Variants in RYR3 observed in about 807,000 individuals in gnomAD.
RYR3 encodes brain ryanodine receptor-calcium release channel.
Under a neutral mutation model 584.3 loss-of-function variants are expected in RYR3, and 207 were observed. That is an observed-to-expected ratio of 0.35 (90% CI 0.32 to 0.40). The LOEUF (loss-of-function observed/expected upper bound fraction) is 0.40, where lower values mean the gene tolerates loss of function less well. Ranked by LOEUF, RYR3 falls within the 10% of genes least tolerant of loss-of-function variation. RYR3 has a pLI of 1.00. For synonymous variants in RYR3, 2,416 were observed against 2,248.5 expected (o/e 1.07, Z -2.11); for missense variants, 5,616 against 6,089.2 (o/e 0.92, Z 2.59).
intron 38 of RYR3, among the ~76,000 whole-genome samples, chr15:33,695,960 TTTTTTTTTTTTTTTG>T (rs1324031127): frequency 9.3e-6 from 1 of 106,996 alleles, no homozygotes; most frequent in Non-Finnish European, 2.2e-5. Flanking sequence ...TTTTTTTTTT[TTTTTTTTTTTTTTTG>T]GTAGCAACAG....
chr15:33,800,573 A>G (rs1008154607), intron 67 of RYR3, among the ~76,000 whole-genome samples, 197 bp from the exon 68 acceptor site: 1 of 152,222 alleles, frequency 6.6e-6, no homozygotes, highest in Non-Finnish European at 1.5e-5. Flanking sequence ...CTTTCAAGAA[A>G]TCTACTCTAA....
intron 1 of RYR3, among the ~76,000 whole-genome samples, chr15:33,343,260 C>A (rs181600091): frequency 6.6e-6 from 1 of 152,242 alleles, no homozygotes; most frequent in East Asian, 1.9e-4. Flanking sequence ...TAGCTCTTTG[C>A]CCTTACACAA....
At chr15:33,714,357 G>A (rs1008851541) in intron 43 of RYR3, among the ~76,000 whole-genome samples, 5 of 152,142 alleles carry the variant, frequency 3.3e-5, no homozygotes, top group African/African-American at 1.2e-4. Flanking sequence ...AATGTTTGTA[G>A]TAAATCTTCT....
At chr15:33,806,701 T>C (rs1200450766) in intron 69 of RYR3, among the ~76,000 whole-genome samples, 1 of 152,072 alleles carries the variant, frequency 6.6e-6, no homozygotes, top group Non-Finnish European at 1.5e-5. Flanking sequence ...TTTTTGGTGA[T>C]TCTGAATCAC....
rs556627837 is a variant in RYR3 at position 33,562,393 on chromosome 15, A to G, written c.973-444A>G. ...TATAAGAAATTTTTACATGAAATCA[A>G]TAGATATGATGAAAGCCTCTGAGTC... On this transcript the variant is annotated intron_variant, in intron 10 of 103. Coordinates refer to ENST00000634891, the MANE Select transcript of RYR3 (RefSeq NM_001036.6). 3.0e-4 allele frequency among the ~76,000 whole-genome samples: 46 copies of G among 152,358 alleles called. No homozygotes were observed. In the South Asian group the frequency reaches 3.7e-3, roughly 12 times the overall value.
chr15:33,854,701 A>G, intron 97 of RYR3, 65 bp from the exon 98 acceptor site: 1 of 1,534,460 alleles, frequency 6.5e-7, no homozygotes, highest in African/African-American at 1.4e-5. Context: ...AATAAGAAAA[A>G]ATGTTTTATA....
At chr15:33,333,090 G>T (rs1328279789) in intron 1 of RYR3, among the ~76,000 whole-genome samples, 2 of 52,446 alleles carry the variant, frequency 3.8e-5, no homozygotes, top group Non-Finnish European at 8.3e-5. Context: ...AAAAAAAAAA[G>T]CCCAGGACAA....
chr15:33,821,194 C>G, intron 78 of RYR3, 76 bp from the exon 79 acceptor site: 2 of 1,179,878 alleles, frequency 1.7e-6, no homozygotes, highest in Non-Finnish European at 2.5e-6. Context: ...GGAAAATTCT[C>G]TCTCACCTCA....
chr15:33,679,498 A>G (rs1336526011), intron 38 of RYR3, among the ~76,000 whole-genome samples: 1 of 152,216 alleles, frequency 6.6e-6, no homozygotes, highest in Non-Finnish European at 1.5e-5. Flanking sequence ...AACCCAATGA[A>G]GCCAAAGGCT....
At position 33,722,793 on chromosome 15, in the gene RYR3, G is replaced by A. The variant is rs199648816; in HGVS notation, c.6698G>A (p.Arg2233Gln). 1.6e-3 allele frequency: 2,621 copies of A among 1,613,240 alleles called. 5 individuals are homozygous for A. Among genetic ancestry groups the A allele is most frequent in the Non-Finnish European group, 2.0e-3 (2,386 of 1,179,620 alleles). Residue 2233 changes from arginine to glutamine, a missense_variant, in exon 44 of 104, where the codon CGG becomes CAG. This residue lies in a region of RYR3 where 1,280 missense variants were observed against 1,426.2 expected (regional missense o/e 0.90). Coordinates refer to ENST00000634891, the MANE Select transcript of RYR3 (RefSeq NM_001036.6). ...CCAGAGTGCTTCGGCCCGGCCCTGC[G>A]GGGTGAGGGGGGAAACGGGCTCTTG... ...RRPECFGPALRGEGGNGLLAA... is the reference protein window; with the variant it reads ...RRPECFGPALQGEGGNGLLAA...
intron 42 of RYR3, among the ~76,000 whole-genome samples, chr15:33,703,551 G>A (rs999823433): frequency 3.3e-5 from 5 of 152,132 alleles, no homozygotes; most frequent in African/African-American, 1.2e-4. Context: ...CCTCTTGAAG[G>A]ACATGACCCC....
In RYR3 at chr15:33,829,085, T is replaced by C. The variant is rs532519484; in HGVS notation, c.11334+1798T>C. Among the ~76,000 whole-genome samples the C allele has an allele frequency of 1.2e-4, 19 of 152,238 alleles. 1 individual carries two copies. The South Asian group carries it at 3.3e-3, about 27-fold the overall frequency. On this transcript the variant is annotated intron_variant, in intron 85 of 103. Coordinates refer to ENST00000634891, the MANE Select transcript of RYR3 (RefSeq NM_001036.6). Reference sequence around the variant, plus strand: ...GTAAATCTACTCTGCCCATGCTCTATGTATGGAAAAACAAAGCTTGGATTG... The same window carrying C: ...GTAAATCTACTCTGCCCATGCTCTACGTATGGAAAAACAAAGCTTGGATTG...
chr15:33,824,457 C>A (rs773606422), intron 81 of RYR3, among the ~76,000 whole-genome samples: 2 of 152,214 alleles, frequency 1.3e-5, no homozygotes, highest in Non-Finnish European at 2.9e-5. Context: ...TTCAAAACTG[C>A]TGCTTCAGAG....
At chr15:33,472,667 A>G (rs2049024781) in intron 1 of RYR3, among the ~76,000 whole-genome samples, 1 of 152,202 alleles carries the variant, frequency 6.6e-6, no homozygotes, top group Admixed American at 6.5e-5. Flanking sequence ...GTTGTGCAAG[A>G]AAATGTTTTG....
At chr15:33,531,998 T>C (rs1448623075) in intron 4 of RYR3, among the ~76,000 whole-genome samples, 1 of 152,146 alleles carries the variant, frequency 6.6e-6, no homozygotes, top group Non-Finnish European at 1.5e-5. Context: ...TTACATTAAG[T>C]TTACCCCTCC....
At chr15:33,550,793 T>C (rs1157294948) in intron 10 of RYR3, among the ~76,000 whole-genome samples, 1 of 152,224 alleles carries the variant, frequency 6.6e-6, no homozygotes, top group Non-Finnish European at 1.5e-5. Flanking sequence ...TTTGTTTAAA[T>C]TTTTTTAATG....
chr15:33,775,705 G>A (rs1220731922), intron 64 of RYR3, among the ~76,000 whole-genome samples: 1 of 152,172 alleles, frequency 6.6e-6, no homozygotes, highest in African/African-American at 2.4e-5. Context: ...TTATGAGAAT[G>A]GCAGATGGCA....
At chr15:33,764,395 G>C (rs377252995) in intron 60 of RYR3, among the ~76,000 whole-genome samples, 31 of 152,212 alleles carry the variant, frequency 2.0e-4, no homozygotes, top group East Asian at 9.6e-4. Flanking sequence ...CATAGACACA[G>C]AGAGGGGAAC....
intron 55 of RYR3, 68 bp from the exon 56 acceptor site, chr15:33,749,911 C>T (rs2071112987): frequency 2.1e-6 from 3 of 1,413,908 alleles, no homozygotes; most frequent in Non-Finnish European, 2.9e-6. Flanking sequence ...CTGAAATGAC[C>T]TAGCAGCTAT....
Sources: allele counts gnomAD v4.1 joint callset (sites outside exome capture counted in the v4.1 genomes callset), GRCh38; gene constraint gnomAD v4.1.1; regional missense constraint gnomAD v4.1.1; transcripts MANE v1.5; gene names NCBI Gene and HGNC (gene_info 2026-07-23, HGNC 2026-07-21).